The following ZNF33A variants were observed in gnomAD, a reference collection of about 807,000 sequenced individuals.
ZNF33A encodes brain my041 protein.
A neutral mutation model predicts 15.9 loss-of-function variants in ZNF33A; 9 were observed. The observed-to-expected ratio is 0.57, with a 90% confidence interval of 0.34 to 0.99. ZNF33A has a LOEUF of 0.99. Among genes scored for constraint, ZNF33A ranks in the 50% least tolerant of loss-of-function variants. ZNF33A has a pLI of 0.02. For missense variants in ZNF33A, 843 were observed against 941.6 expected, an observed-to-expected ratio of 0.90 and a Z score of 1.37; for synonymous variants, 294 against 324.2, an observed-to-expected ratio of 0.91 and a Z score of 1.00.
At chr10:38,012,984 T>G (rs1404493369) in intron 2 of ZNF33A, among the ~76,000 whole-genome samples, 1 of 152,176 alleles carries the variant, frequency 6.6e-6, no homozygotes, top group Non-Finnish European at 1.5e-5. Flanking sequence ...TGAATAAGCT[T>G]CCAGTGATAA....
chr10:38,027,625 G>GTT (rs2065042497), intron 4 of ZNF33A, among the ~76,000 whole-genome samples: 1 of 151,892 alleles, frequency 6.6e-6, no homozygotes, highest in African/African-American at 2.4e-5. Context: ...GGGATTACAG[G>GTT]TGCTATCCAC....
downstream of ZNF33A, among the ~76,000 whole-genome samples, chr10:38,067,733 C>T (rs915974116): frequency 6.6e-6 from 1 of 152,150 alleles, no homozygotes; most frequent in Non-Finnish European, 1.5e-5. Context: ...AATCTCATGC[C>T]ATTCATAACA....
At position 38,054,892 on chromosome 10, in the gene ZNF33A, G is replaced by C. The variant is rs760666453; in HGVS notation, c.768G>C (p.Leu256Phe). The change falls in exon 5 of 5, where the codon TTG (leucine) becomes TTC (phenylalanine). Residue 256 changes from leucine to phenylalanine, a missense_variant. By Grantham distance (22) the Leu-to-Phe change is conservative. Transcript: ENST00000432900. Reference sequence around the variant, plus strand: ...ATTATAATGAATTTGGGAGAACTTTGTGTGATAGTTCATCCCTCTTGTTCC... The same window carrying C: ...ATTATAATGAATTTGGGAGAACTTTCTGTGATAGTTCATCCCTCTTGTTCC... ...NCDYNEFGRT[L>F]CDSSSLLFHQ... 1 of 1,613,758 alleles carries C rather than the reference G, an allele frequency of 6.2e-7. No homozygotes were observed. Among genetic ancestry groups the C allele is most frequent in the South Asian group, 1.1e-5 (1 of 91,082 alleles).
At chr10:38,032,400 A>G (rs561843050) in intron 4 of ZNF33A, among the ~76,000 whole-genome samples, 211 of 152,282 alleles carry the variant, frequency 1.4e-3, no homozygotes, top group Non-Finnish European at 2.3e-3. Flanking sequence ...GTATAAATCA[A>G]TCATTGTTAG....
downstream of ZNF33A, chr10:38,064,096 G>T: frequency 6.3e-7 from 1 of 1,597,676 alleles, no homozygotes; most frequent in East Asian, 2.2e-5. Context: ...AGGCCCCTGA[G>T]ATGCTCATGC....
rs2066495755 is a variant in ZNF33A at position 38,056,538 on chromosome 10, A to G, written c.2414A>G (p.Asp805Gly). 6.3e-7 allele frequency: 1 copy of G among 1,579,428 alleles called. No individual in the cohort carries two copies. The highest frequency in any genetic ancestry group is 8.6e-7 in the Non-Finnish European group (1 of 1,164,542). ...SEYSHCGESP[D>G]DILNVQ is the part of the protein sequence containing the mutation. ...TATTCACACTGTGGAGAAAGCCCTG[A>G]TGACATCCTGAATGTTCAGTAACTA... The change falls in exon 5 of 5, where the codon GAT becomes GGT. Residue 805 changes from aspartate to glycine, a missense_variant. Physicochemically the swap from Asp to Gly is moderately conservative, Grantham distance 94 (BLOSUM62 -1). Transcript: ENST00000432900.
chr10:38,024,975 G>A (rs1328495087), intron 4 of ZNF33A, among the ~76,000 whole-genome samples: 1 of 152,126 alleles, frequency 6.6e-6, no homozygotes, highest in Non-Finnish European at 1.5e-5. Flanking sequence ...CTTAATAATG[G>A]CCCTGAAGTG....
At chr10:38,044,187 A>G (rs891328415) in intron 4 of ZNF33A, among the ~76,000 whole-genome samples, 2 of 149,072 alleles carry the variant, frequency 1.3e-5, no homozygotes, top group Non-Finnish European at 3.0e-5. Flanking sequence ...TGCCAGCTAC[A>G]ACCTTTCTTT....
chr10:38,029,499 G>A (rs2065124042), intron 4 of ZNF33A, among the ~76,000 whole-genome samples: 1 of 152,208 alleles, frequency 6.6e-6, no homozygotes, highest in East Asian at 1.9e-4. Context: ...TCCTGATTTG[G>A]CATTCACTTG....
At chr10:38,028,140 C>T (rs75603170) in intron 4 of ZNF33A, among the ~76,000 whole-genome samples, 30 of 151,916 alleles carry the variant, frequency 2.0e-4, no homozygotes, top group African/African-American at 7.2e-4. Context: ...TGGTGGTATG[C>T]GCTTGTGGTT....
chr10:38,065,649 C>T (rs1338666835), downstream of ZNF33A, among the ~76,000 whole-genome samples: 1 of 152,008 alleles, frequency 6.6e-6, no homozygotes, highest in Non-Finnish European at 1.5e-5. Flanking sequence ...CCTTCCGCAC[C>T]ACCAACTCCA....
chr10:38,010,903 G>A (rs2064140389), intron 1 of ZNF33A, 120 bp downstream of exon 1: 2 of 1,240,282 alleles, frequency 1.6e-6, no homozygotes, highest in East Asian at 2.4e-5. Flanking sequence ...AGGGGAAGGC[G>A]GGGACGGCGG....
chr10:38,023,840 C>T (rs1035574480), intron 4 of ZNF33A, among the ~76,000 whole-genome samples: 3 of 151,962 alleles, frequency 2.0e-5, no homozygotes, highest in Non-Finnish European at 4.4e-5. Flanking sequence ...TGATTGTATA[C>T]GTAGAATATT....
rs1226010572 is a variant in ZNF33A, at chr10:38,010,681, GCCTTT to G, written c.-141_-137del. ...GTCCGCCGGCTACGTCTGCGTTTCC[GCCTTT>G]CCTTTTGTTTTTCTCAGGTTTTGCG... On this transcript the variant is annotated 5_prime_UTR_variant, in exon 1 of 5. Transcript: ENST00000432900. 1.1e-5 allele frequency: 17 copies of G among 1,593,456 alleles called. No homozygotes were observed. The highest frequency in any genetic ancestry group is 2.2e-5 in the East Asian group (1 of 44,862).
chr10:38,033,282 A>G (rs2065292036), intron 4 of ZNF33A, among the ~76,000 whole-genome samples: 1 of 152,190 alleles, frequency 6.6e-6, no homozygotes, highest in South Asian at 2.1e-4. Context: ...AGCATGTATC[A>G]ATATTTCACT....
At chr10:38,013,720 T>G (rs796081986) in intron 2 of ZNF33A, among the ~76,000 whole-genome samples, 21 of 152,198 alleles carry the variant, frequency 1.4e-4, no homozygotes, top group African/African-American at 4.3e-4. Flanking sequence ...CCTCCCAAAG[T>G]GCTAGGATTG....
rs540655754 is a variant in ZNF33A, at chr10:38,055,314, A to C, written c.1190A>C (p.Lys397Thr). The change falls in exon 5 of 5, where the codon AAG (lysine) becomes ACG (threonine). Residue 397 changes from lysine (K) to threonine (T), a missense_variant. Lys to Thr is a moderately conservative substitution (Grantham distance 78). Transcript: ENST00000432900. ...GAATGTGGGAAAGCCTTTAGCCATA[A>C]GTCAGCCCTCACATTACACCAGAGA... The part of the protein sequence containing the change: ...CNECGKAFSH[K>T]SALTLHQRTH... The C allele has an allele frequency of 2.5e-6, 4 of 1,614,082 alleles. No homozygotes were observed. The highest frequency in any genetic ancestry group is 3.4e-6 in the Non-Finnish European group (4 of 1,179,986).
Position 38,056,054 on chromosome 10 carries a change from A to G in ZNF33A, c.1930A>G (p.Lys644Glu), listed in dbSNP as rs1347402705. 6.2e-7 allele frequency: 1 copy of G among 1,614,038 alleles called. No homozygotes were observed. Among genetic ancestry groups the G allele is most frequent in the African/African-American group, 1.3e-5 (1 of 74,938 alleles). Reference sequence around the variant, plus strand: ...ACCCTATAAATGTAATGAGTGTGGAAAAGCTTTCTGCCATAAGTCAGCTCT... The same window carrying G: ...ACCCTATAAATGTAATGAGTGTGGAGAAGCTTTCTGCCATAAGTCAGCTCT... The part of the protein sequence containing the change: ...EKPYKCNECG[K>E]AFCHKSALIV... The change falls in exon 5 of 5, where the codon AAA becomes GAA. Residue 644 changes from lysine to glutamate, a missense_variant. Physicochemically the swap from Lys to Glu is moderately conservative, Grantham distance 56. Coordinates refer to ENST00000432900, the MANE Select transcript of ZNF33A (RefSeq NM_006954.2).
At chr10:38,045,942 TG>T (rs2065928739) in intron 4 of ZNF33A, among the ~76,000 whole-genome samples, 1 of 152,176 alleles carries the variant, frequency 6.6e-6, no homozygotes, top group African/African-American at 2.4e-5. Context: ...TGCTTTTCTC[TG>T]GGTGAGTGAT....
Sources: gnomAD v4.1 joint callset for allele counts (sites outside exome capture counted in the v4.1 genomes callset) on GRCh38, gnomAD v4.1.1 for gene constraint, MANE v1.5 for transcripts, NCBI Gene and HGNC (gene_info 2026-07-23, HGNC 2026-07-21) for gene names.